Variants in NELL1 observed in about 807,000 individuals in gnomAD.
The protein encoded by NELL1 is neural EGFL like 1, also known as protein kinase C-binding protein NELL1.
In NELL1, 76 loss-of-function variants were observed where a neutral mutation model predicts 107.4. The ratio of observed to expected loss-of-function variants is 0.71; its 90% CI spans 0.59 to 0.86. The LOEUF (loss-of-function observed/expected upper bound fraction) is 0.86, where lower values mean the gene tolerates loss of function less well. Ranked by LOEUF, NELL1 falls within the 40% of genes least tolerant of loss-of-function variation. The pLI is 0.00. For synonymous variants in NELL1, 353 were observed against 341.2 expected (o/e 1.03, Z -0.38); for missense variants, 1,024 against 1,005.5 (o/e 1.02, Z -0.25).
chr11:20,820,769 C>T (rs1413359961), intron 3 of NELL1, among the ~76,000 whole-genome samples: 1 of 152,172 alleles, frequency 6.6e-6, no homozygotes, highest in Non-Finnish European at 1.5e-5. Flanking sequence ...CTTATTCAGA[C>T]CTCCTTTCAC....
At chr11:20,882,178 T>C (rs913055179) in intron 4 of NELL1, among the ~76,000 whole-genome samples, 4 of 152,204 alleles carry the variant, frequency 2.6e-5, no homozygotes, top group African/African-American at 4.8e-5. Flanking sequence ...TCCCCTTCTA[T>C]AGGGGTACGT....
At chr11:21,099,091 A>G (rs1331015317) in intron 12 of NELL1, among the ~76,000 whole-genome samples, 2 of 151,310 alleles carry the variant, frequency 1.3e-5, no homozygotes, top group African/African-American at 4.9e-5. Context: ...TTATTTTGCT[A>G]CTCCTAAAGA....
At chr11:21,215,820 A>G (rs998098706) in intron 13 of NELL1, among the ~76,000 whole-genome samples, 3 of 152,198 alleles carry the variant, frequency 2.0e-5, no homozygotes, top group African/African-American at 7.2e-5. Flanking sequence ...GAAAGTTTGG[A>G]TAATTTGCAG....
At chr11:21,377,115 C>T (rs1308031982) in intron 15 of NELL1, among the ~76,000 whole-genome samples, 4 of 151,980 alleles carry the variant, frequency 2.6e-5, no homozygotes, top group Non-Finnish European at 4.4e-5. Flanking sequence ...ATATCTTTGT[C>T]TTGTTCCAGT....
intron 4 of NELL1, among the ~76,000 whole-genome samples, chr11:20,873,778 T>C (rs2134091195): frequency 6.6e-6 from 1 of 151,830 alleles, no homozygotes; most frequent in Admixed American, 6.6e-5. Context: ...TTTTTTTTTT[T>C]TTTTTTGAGA....
intron 2 of NELL1, among the ~76,000 whole-genome samples, chr11:20,773,211 A>G (rs1234278356): frequency 1.3e-5 from 2 of 152,192 alleles, no homozygotes; most frequent in African/African-American, 4.8e-5. Context: ...CTGCAGCACC[A>G]GGGTTCTTTT....
chr11:21,392,676 A>G (rs1478061954), intron 15 of NELL1, among the ~76,000 whole-genome samples: 1 of 151,824 alleles, frequency 6.6e-6, no homozygotes, highest in Non-Finnish European at 1.5e-5. Flanking sequence ...GATAACTTAT[A>G]TACAATAATA....
At chr11:20,864,763 C>T (rs1849063163) in intron 4 of NELL1, among the ~76,000 whole-genome samples, 1 of 152,254 alleles carries the variant, frequency 6.6e-6, no homozygotes, top group South Asian at 2.1e-4. Flanking sequence ...CCAAGCCTGA[C>T]TTCACACTTA....
At chr11:20,799,592 A>G (rs1448904325) in intron 3 of NELL1, among the ~76,000 whole-genome samples, 1 of 152,176 alleles carries the variant, frequency 6.6e-6, no homozygotes, top group Non-Finnish European at 1.5e-5. Context: ...CTTTGGTAGG[A>G]GTGAATTGGT....
At chr11:21,423,004 G>A (rs751940326) in intron 15 of NELL1, among the ~76,000 whole-genome samples, 30 of 152,100 alleles carry the variant, frequency 2.0e-4, no homozygotes, top group East Asian at 5.8e-4. Flanking sequence ...GATATTCCAC[G>A]CTCATAGTAA....
At chr11:20,880,430 A>G (rs901355118) in intron 4 of NELL1, among the ~76,000 whole-genome samples, 1 of 152,230 alleles carries the variant, frequency 6.6e-6, no homozygotes, top group Non-Finnish European at 1.5e-5. Flanking sequence ...GTTAACAGTA[A>G]TATCCTTATG....
intron 15 of NELL1, among the ~76,000 whole-genome samples, chr11:21,372,374 G>A (rs1851376280): frequency 1.3e-5 from 2 of 151,892 alleles, no homozygotes; most frequent in African/African-American, 4.8e-5. Context: ...GGAAAGAATG[G>A]TAATAATGAT....
intron 12 of NELL1, among the ~76,000 whole-genome samples, chr11:21,029,951 T>C (rs1245398211): frequency 2.0e-5 from 3 of 152,136 alleles, no homozygotes; most frequent in African/African-American, 7.2e-5. Context: ...TTAAAATTTC[T>C]CCATCATCAG....
intron 12 of NELL1, among the ~76,000 whole-genome samples, chr11:20,981,807 G>T (rs951358860): frequency 6.6e-6 from 1 of 152,066 alleles, no homozygotes; most frequent in Non-Finnish European, 1.5e-5. Context: ...ATATGCAAAT[G>T]GTAGAAAATC....
chr11:21,032,093 TAAAC>T (rs1183771220), intron 12 of NELL1, among the ~76,000 whole-genome samples: 6 of 148,930 alleles, frequency 4.0e-5, no homozygotes, highest in Non-Finnish European at 4.4e-5. Context: ...AATGATAAAA[TAAAC>T]AAAATTGAAA....
intron 14 of NELL1, among the ~76,000 whole-genome samples, chr11:21,337,744 CT>C (rs1555006089): frequency 5.0e-5 from 5 of 99,408 alleles, no homozygotes; most frequent in African/African-American, 2.5e-4. Flanking sequence ...TCCTTTCTTT[CT>C]TTCTTTCTTT....
intron 14 of NELL1, among the ~76,000 whole-genome samples, chr11:21,270,761 A>T (rs1266349764): frequency 1.3e-5 from 2 of 152,138 alleles, no homozygotes; most frequent in African/African-American, 4.8e-5. Flanking sequence ...TCATCAAAAT[A>T]AACCATGTTC....
chr11:20,748,892 CCA>C (rs1856065811), intron 2 of NELL1, among the ~76,000 whole-genome samples: 5 of 148,582 alleles, frequency 3.4e-5, no homozygotes, highest in Non-Finnish European at 1.5e-5. Flanking sequence ...ATCCATCCAT[CCA>C]TCCATCCACC....
At chr11:21,062,946 G>T (rs1853777325) in intron 12 of NELL1, among the ~76,000 whole-genome samples, 1 of 151,968 alleles carries the variant, frequency 6.6e-6, no homozygotes, top group South Asian at 2.1e-4. Flanking sequence ...TCATCCCTTA[G>T]CCTTCCAAGT....
Sources: allele counts gnomAD v4.1 joint callset (sites outside exome capture counted in the v4.1 genomes callset), GRCh38; gene constraint gnomAD v4.1.1; transcripts MANE v1.5; gene names NCBI Gene and HGNC (gene_info 2026-07-23, HGNC 2026-07-21).